The following SLC25A26 variants were observed in gnomAD, a reference collection of about 807,000 sequenced individuals.
SLC25A26 encodes the protein mitochondrial S-adenosylmethionine carrier protein.
A neutral mutation model predicts 37.8 loss-of-function variants in SLC25A26; 36 were observed. The observed-to-expected ratio is 0.95, with a 90% confidence interval of 0.73 to 1.26. SLC25A26 has a LOEUF of 1.26. SLC25A26 is among the 50% of genes most tolerant of loss of function. SLC25A26 has a pLI of 0.00. For missense variants in SLC25A26, 390 were observed against 331.1 expected (o/e 1.18, Z -1.38); for synonymous variants, 129 against 122.5 (o/e 1.05, Z -0.35).
At chr3:66,353,818 C>T (rs948686810) in intron 6 of SLC25A26, among the ~76,000 whole-genome samples, 1 of 152,154 alleles carries the variant, frequency 6.6e-6, no homozygotes, top group African/African-American at 2.4e-5. Context: ...CAGCCAGAAC[C>T]GAATTTTCCA....
At chr3:66,188,264 A>G (rs2070868923) in intron 1 of SLC25A26, among the ~76,000 whole-genome samples, 1 of 152,156 alleles carries the variant, frequency 6.6e-6, no homozygotes, top group Non-Finnish European at 1.5e-5. Context: ...TCTCTGACCC[A>G]GACCCTTATA....
At chr3:66,231,870 C>T (rs1403393973) in intron 1 of SLC25A26, among the ~76,000 whole-genome samples, 2 of 151,686 alleles carry the variant, frequency 1.3e-5, no homozygotes, top group African/African-American at 4.8e-5. Context: ...CTCCTGGGCC[C>T]AAGTGAGCAT....
intron 1 of SLC25A26, among the ~76,000 whole-genome samples, chr3:66,153,981 C>T (rs568675217): frequency 3.3e-5 from 5 of 152,252 alleles, no homozygotes; most frequent in African/African-American, 1.2e-4. Context: ...AATAAGATTC[C>T]GTCAGGAGTG....
intron 5 of SLC25A26, among the ~76,000 whole-genome samples, chr3:66,325,755 T>G (rs77706558): frequency 0.017 from 2,513 of 152,284 alleles, 86 homozygotes; most frequent in African/African-American, 0.058. Flanking sequence ...AGCCAGCGCA[T>G]GCAGGGCCTC....
At chr3:66,318,207 T>C (rs1417481567) in intron 5 of SLC25A26, among the ~76,000 whole-genome samples, 1 of 152,124 alleles carries the variant, frequency 6.6e-6, no homozygotes, top group Admixed American at 6.6e-5. Flanking sequence ...AGTATGCAAA[T>C]ACTCCTATGT....
intron 1 of SLC25A26, among the ~76,000 whole-genome samples, chr3:66,208,617 A>G (rs2071211529): frequency 7.3e-6 from 1 of 136,366 alleles, no homozygotes. Flanking sequence ...CAAAAAAAGT[A>G]TATAGATATA....
chr3:66,311,744 G>A (rs757233735), intron 5 of SLC25A26, among the ~76,000 whole-genome samples: 3 of 152,040 alleles, frequency 2.0e-5, no homozygotes, highest in African/African-American at 7.2e-5. Flanking sequence ...TAACAGTCAG[G>A]CCCCTCTGCT....
At chr3:66,160,785 A>C (rs2070346500) in intron 1 of SLC25A26, among the ~76,000 whole-genome samples, 1 of 152,110 alleles carries the variant, frequency 6.6e-6, no homozygotes, top group Non-Finnish European at 1.5e-5. Flanking sequence ...AAACACAAAA[A>C]TTAGCTGGAT....
At chr3:66,216,312 G>GGTGA (rs2071360735), upstream of SLC25A26, among the ~76,000 whole-genome samples, 1 of 152,148 alleles carries the variant, frequency 6.6e-6, no homozygotes, top group African/African-American at 2.4e-5. Context: ...AGGAGTTCAA[G>GGTGA]ACAAGCTTGG....
intron 5 of SLC25A26, among the ~76,000 whole-genome samples, chr3:66,326,136 G>C (rs552191076): frequency 6.6e-6 from 1 of 152,304 alleles, no homozygotes; most frequent in African/African-American, 2.4e-5. Flanking sequence ...TATTGGCTGA[G>C]CTCAGGAACC....
At chr3:66,187,021 G>A (rs1055824854) in intron 1 of SLC25A26, among the ~76,000 whole-genome samples, 22 of 151,914 alleles carry the variant, frequency 1.4e-4, no homozygotes, top group Non-Finnish European at 2.8e-4. Context: ...CACTCAAGCT[G>A]ACCATGATAT....
At chr3:66,281,406 A>G (rs1252739049) in intron 5 of SLC25A26, among the ~76,000 whole-genome samples, 1 of 152,246 alleles carries the variant, frequency 6.6e-6, no homozygotes, top group Non-Finnish European at 1.5e-5. Context: ...ATCTGTGGAT[A>G]CTTCTTGTCT....
At chr3:66,189,989 T>C (rs1056679412) in intron 1 of SLC25A26, among the ~76,000 whole-genome samples, 1 of 151,990 alleles carries the variant, frequency 6.6e-6, no homozygotes, top group Non-Finnish European at 1.5e-5. Context: ...AATATGCTGC[T>C]TTGATATGTG....
At chr3:66,175,140 T>TATATACACACAC (rs1413714739) in intron 1 of SLC25A26, among the ~76,000 whole-genome samples, 2 of 67,046 alleles carry the variant, frequency 3.0e-5, no homozygotes, top group African/African-American at 1.3e-4. Flanking sequence ...TATATATATA[T>TATATACACACAC]ACACACACAC....
chr3:66,201,909 A>G (rs1233484824), intron 1 of SLC25A26, among the ~76,000 whole-genome samples: 3 of 152,218 alleles, frequency 2.0e-5, no homozygotes, highest in Non-Finnish European at 4.4e-5. Context: ...AGAGTACTTT[A>G]CGCTACATAG....
chr3:66,213,564 A>T, intron 1 of SLC25A26, among the ~76,000 whole-genome samples: 1 of 152,108 alleles, frequency 6.6e-6, no homozygotes, highest in East Asian at 1.9e-4. Flanking sequence ...TGCACAGCCT[A>T]TGACATTATC....
At chr3:66,265,379 AAGTT>A (rs1424866668) in intron 5 of SLC25A26, among the ~76,000 whole-genome samples, 4 of 152,240 alleles carry the variant, frequency 2.6e-5, no homozygotes, top group Admixed American at 2.0e-4. Context: ...TATCTTGAAA[AAGTT>A]AGTTTTTTCT....
At chr3:66,197,341 G>T (rs1432209722) in intron 1 of SLC25A26, among the ~76,000 whole-genome samples, 5 of 152,106 alleles carry the variant, frequency 3.3e-5, no homozygotes, top group African/African-American at 1.2e-4. Context: ...CAGGGTAAGG[G>T]TGAGTGTCAA....
intron 5 of SLC25A26, among the ~76,000 whole-genome samples, chr3:66,286,717 C>T (rs2074524742): frequency 1.3e-5 from 2 of 152,106 alleles, no homozygotes; most frequent in South Asian, 4.1e-4. Flanking sequence ...TGTTGCTCTG[C>T]CACCAAGGCT....
Sources: allele counts gnomAD v4.1 joint callset (sites outside exome capture counted in the v4.1 genomes callset), GRCh38; gene constraint gnomAD v4.1.1; transcripts MANE v1.5; gene names NCBI Gene and HGNC (gene_info 2026-07-23, HGNC 2026-07-21).